STXBP6: variants seen among roughly 807,000 people sequenced by gnomAD.
The protein encoded by STXBP6 is syntaxin binding protein 6.
In STXBP6, 21 loss-of-function variants were observed where a neutral mutation model predicts 26.9. The observed-to-expected ratio is 0.78, with a 90% CI of 0.55 to 1.12. The LOEUF (loss-of-function observed/expected upper bound fraction) is 1.12. STXBP6 is among the 50% of genes most tolerant of loss of function. STXBP6 has a pLI of 0.00. For synonymous variants in STXBP6, 97 were observed against 92.6 expected, an observed-to-expected ratio of 1.05 and a Z score of -0.27; for missense variants, 232 against 257.9, an observed-to-expected ratio of 0.90 and a Z score of 0.69.
chr14:25,020,872 T>C (rs2075249636), intron 1 of STXBP6, among the ~76,000 whole-genome samples: 2 of 152,132 alleles, frequency 1.3e-5, no homozygotes, highest in Admixed American at 6.6e-5. Context: ...ACCCCAGTCT[T>C]AGATGATGCC....
intron 1 of STXBP6, among the ~76,000 whole-genome samples, chr14:25,014,071 G>A (rs2075093908): frequency 6.6e-6 from 1 of 152,164 alleles, no homozygotes; most frequent in Admixed American, 6.5e-5. Context: ...GTAGAGAGAG[G>A]AGGCTAAGAT....
At chr14:24,995,801 T>C (rs572884397) in intron 1 of STXBP6, among the ~76,000 whole-genome samples, 2 of 152,290 alleles carry the variant, frequency 1.3e-5, no homozygotes, top group South Asian at 2.1e-4. Flanking sequence ...CCCATATCTT[T>C]CCCTTTTAGA....
chr14:24,992,414 T>C (rs1419210086), intron 1 of STXBP6, among the ~76,000 whole-genome samples: 1 of 150,398 alleles, frequency 6.6e-6, no homozygotes, highest in Non-Finnish European at 1.5e-5. Flanking sequence ...AAAAAATAAG[T>C]AGGAAAAAAA....
chr14:24,984,861 C>A (rs1274253886), intron 1 of STXBP6, among the ~76,000 whole-genome samples: 10 of 152,162 alleles, frequency 6.6e-5, no homozygotes, highest in Non-Finnish European at 1.5e-4. Flanking sequence ...AGCTCAAGGG[C>A]AGAGCAGGGA....
chr14:24,821,254 G>T (rs1566378826), intron 4 of STXBP6, among the ~76,000 whole-genome samples: 1 of 152,186 alleles, frequency 6.6e-6, no homozygotes, highest in Non-Finnish European at 1.5e-5. Context: ...AAATCAAAAG[G>T]ATTTTAGAAT....
chr14:25,042,631 C>G lies in STXBP6; in HGVS notation c.-33+7247G>C, dbSNP rs1033518687. 2.0e-5 allele frequency among the ~76,000 whole-genome samples: 3 copies of G among 152,294 alleles called. No individual in the cohort carries two copies. In the East Asian group the frequency reaches 5.8e-4, roughly 29 times the overall value. On this transcript the variant is annotated intron_variant, in intron 1 of 5. Transcript: ENST00000323944. ...GCTATGTTTCACACTCGGCCCTGTC[C>G]CATTCCGAAGCCATCTTCTCTAAAC...
chr14:24,867,663 AT>A (rs772298368), intron 2 of STXBP6, among the ~76,000 whole-genome samples: 15 of 152,232 alleles, frequency 9.9e-5, no homozygotes, highest in East Asian at 3.9e-4. Flanking sequence ...CACAAAAAAA[AT>A]AAATCGAAAT....
intron 1 of STXBP6, among the ~76,000 whole-genome samples, chr14:25,009,419 C>T (rs2074980288): frequency 6.6e-6 from 1 of 152,142 alleles, no homozygotes; most frequent in Admixed American, 6.5e-5. Flanking sequence ...ATAAATTATA[C>T]AAATTATACA....
intron 4 of STXBP6, among the ~76,000 whole-genome samples, chr14:24,841,163 A>T (rs2068773113): frequency 6.6e-6 from 1 of 152,176 alleles, no homozygotes; most frequent in Admixed American, 6.5e-5. Flanking sequence ...GTGAATAATC[A>T]GTCTTTGCTT....
At chr14:24,920,973 G>A (rs1024992001) in intron 2 of STXBP6, among the ~76,000 whole-genome samples, 40 of 152,044 alleles carry the variant, frequency 2.6e-4, no homozygotes, top group African/African-American at 9.2e-4. Flanking sequence ...TGGATGTATT[G>A]CTGACTACAC....
chr14:24,838,339 A>G lies in STXBP6; in HGVS notation c.451+17597T>C, dbSNP rs2068683693. Reference sequence around the variant, plus strand: ...TTCACTGGTTTTTAAATAAGCATCAACATATCTGCTGTGGTCTGTAACTGT... The same window carrying G: ...TTCACTGGTTTTTAAATAAGCATCAGCATATCTGCTGTGGTCTGTAACTGT... On this transcript the variant is annotated intron_variant, in intron 4 of 5. Coordinates refer to ENST00000323944, the MANE Select transcript of STXBP6 (RefSeq NM_001394410.1). 3.9e-5 allele frequency among the ~76,000 whole-genome samples: 6 copies of G among 152,128 alleles called. No homozygotes were observed. In the South Asian group the frequency reaches 1.2e-3, roughly 32 times the overall value.
At chr14:24,906,939 T>C (rs1448259262) in intron 2 of STXBP6, among the ~76,000 whole-genome samples, 1 of 152,070 alleles carries the variant, frequency 6.6e-6, no homozygotes. Flanking sequence ...AGTACTATCA[T>C]TCGTATGTGG....
chr14:24,928,382 CT>C (rs57471170), intron 2 of STXBP6, among the ~76,000 whole-genome samples: 4 of 150,516 alleles, frequency 2.7e-5, no homozygotes, highest in South Asian at 2.1e-4. Context: ...GTTTGTTTTG[CT>C]TTTTTTTTGT....
At chr14:24,937,060 G>A (rs527762971) in intron 2 of STXBP6, among the ~76,000 whole-genome samples, 116 of 152,320 alleles carry the variant, frequency 7.6e-4, no homozygotes, top group Admixed American at 3.3e-3. Flanking sequence ...AACACTACAT[G>A]TTCTCACTCA....
intron 1 of STXBP6, among the ~76,000 whole-genome samples, chr14:25,040,964 C>A (rs917314690): frequency 2.0e-5 from 3 of 152,182 alleles, no homozygotes; most frequent in Non-Finnish European, 2.9e-5. Flanking sequence ...GAAATGTCTA[C>A]TTTATTAGCT....
At chr14:24,816,150 C>G (rs1370105626) in intron 5 of STXBP6, 1 of 152,254 alleles carries the variant, frequency 6.6e-6, no homozygotes, top group Non-Finnish European at 1.5e-5. Context: ...GGAGCTGCCA[C>G]CTGGCATTGC....
At chr14:24,982,442 C>T (rs557353760) in intron 1 of STXBP6, among the ~76,000 whole-genome samples, 4 of 152,316 alleles carry the variant, frequency 2.6e-5, no homozygotes, top group Admixed American at 6.5e-5. Context: ...ACCAGCTACG[C>T]GTTAGCCTGC....
At chr14:24,868,914 A>G (rs2069822675) in intron 2 of STXBP6, among the ~76,000 whole-genome samples, 1 of 152,194 alleles carries the variant, frequency 6.6e-6, no homozygotes. Context: ...TGCCTAATGA[A>G]TTGGAGGCCA....
At chr14:24,954,325 G>T (rs1302591620) in intron 2 of STXBP6, among the ~76,000 whole-genome samples, 1 of 152,122 alleles carries the variant, frequency 6.6e-6, no homozygotes, top group Non-Finnish European at 1.5e-5. Context: ...GGAGCAGACT[G>T]AAGGGGAAGA....
Sources: gnomAD v4.1 joint callset for allele counts (sites outside exome capture counted in the v4.1 genomes callset) on GRCh38, gnomAD v4.1.1 for gene constraint, MANE v1.5 for transcripts, NCBI Gene and HGNC (gene_info 2026-07-23, HGNC 2026-07-21) for gene names.